CCDC148: variants seen among roughly 807,000 people sequenced by gnomAD.
CCDC148 encodes coiled-coil domain containing 148, also known as coiled-coil domain-containing protein 148.
Under a neutral mutation model 85.7 loss-of-function variants are expected in CCDC148, and 89 were observed. The ratio of observed to expected loss-of-function variants is 1.04; its 90% CI spans 0.87 to 1.24. CCDC148 has a LOEUF of 1.24. Among genes scored for constraint, CCDC148 ranks in the 50% most tolerant of loss-of-function variants. The probability of loss-of-function intolerance (pLI) is 0.00; values close to 1 mark genes in which losing one functional copy is unlikely to be tolerated. For synonymous variants in CCDC148, 230 were observed against 213.9 expected (o/e 1.08, Z -0.66); for missense variants, 692 against 671.7 (o/e 1.03, Z -0.33).
At chr2:158,296,721 G>C (rs1265958125) in intron 9 of CCDC148, among the ~76,000 whole-genome samples, 1 of 152,144 alleles carries the variant, frequency 6.6e-6, no homozygotes, top group East Asian at 1.9e-4. Context: ...TTGTAAAATA[G>C]ACCCCAATGC....
At chr2:158,208,252 G>C (rs1178705758) in intron 11 of CCDC148, among the ~76,000 whole-genome samples, 1 of 152,204 alleles carries the variant, frequency 6.6e-6, no homozygotes, top group East Asian at 1.9e-4. Context: ...ACAGTCTTAG[G>C]TGGAAGCAAA....
intron 10 of CCDC148, among the ~76,000 whole-genome samples, chr2:158,245,822 T>C (rs947446078): frequency 6.6e-6 from 1 of 152,184 alleles, no homozygotes. Flanking sequence ...GTGTTATCTT[T>C]TGATTTTATC....
chr2:158,286,784 T>C (rs180777918), intron 9 of CCDC148, among the ~76,000 whole-genome samples: 6 of 152,182 alleles, frequency 3.9e-5, no homozygotes, highest in East Asian at 1.9e-4. Context: ...ATCCTTATGA[T>C]AAAAAGTAAT....
intron 2 of CCDC148, among the ~76,000 whole-genome samples, chr2:158,351,255 C>G (rs1167246470): frequency 6.6e-6 from 1 of 152,224 alleles, no homozygotes; most frequent in Non-Finnish European, 1.5e-5. Flanking sequence ...ATAGGAACAG[C>G]TCCGGTCTAC....
At chr2:158,187,644 T>C (rs1685218182) in intron 11 of CCDC148, among the ~76,000 whole-genome samples, 1 of 152,056 alleles carries the variant, frequency 6.6e-6, no homozygotes. Flanking sequence ...TGCCTGGTAC[T>C]GATGATACCT....
chr2:158,183,090 G>A (rs1684981033), intron 11 of CCDC148, among the ~76,000 whole-genome samples: 1 of 152,100 alleles, frequency 6.6e-6, no homozygotes, highest in East Asian at 1.9e-4. Flanking sequence ...TGCTCCCTGA[G>A]TCTACAAAGG....
chr2:158,284,772 G>A (rs1217601860), intron 9 of CCDC148, among the ~76,000 whole-genome samples: 4 of 152,054 alleles, frequency 2.6e-5, no homozygotes, highest in Admixed American at 2.6e-4. Flanking sequence ...CAAAGTGCAA[G>A]GTACATGAAG....
chr2:158,308,310 C>T (rs1395253722), intron 9 of CCDC148, among the ~76,000 whole-genome samples: 1 of 152,162 alleles, frequency 6.6e-6, no homozygotes, highest in African/African-American at 2.4e-5. Context: ...ACTAGGAATA[C>T]AATAACTTGT....
At position 158,224,152 on chromosome 2, in the gene CCDC148, A is replaced by T. The variant is rs535428267; in HGVS notation, c.1252-3439T>A. Reference sequence around the variant, plus strand: ...ACCTGATGGAGCTGAAAACCAAGGCACGAGAACTACGTGATGAATGCACAA... The same window carrying T: ...ACCTGATGGAGCTGAAAACCAAGGCTCGAGAACTACGTGATGAATGCACAA... On this transcript the variant is annotated intron_variant, in intron 10 of 13. Coordinates refer to ENST00000283233, the MANE Select transcript of CCDC148 (RefSeq NM_138803.4). Among the ~76,000 whole-genome samples the T allele has an allele frequency of 1.5e-3, 230 of 152,358 alleles. 2 individuals carry two copies. Among genetic ancestry groups the T allele is most frequent in the African/African-American group, 5.3e-3 (219 of 41,592 alleles).
At chr2:158,371,168 A>G (rs2105279676) in intron 1 of CCDC148, among the ~76,000 whole-genome samples, 1 of 152,158 alleles carries the variant, frequency 6.6e-6, no homozygotes, top group East Asian at 1.9e-4. Context: ...CATGACATCA[A>G]GAATCCTTCA....
intron 2 of CCDC148, among the ~76,000 whole-genome samples, chr2:158,349,367 A>T (rs1190567934): frequency 6.6e-6 from 1 of 152,032 alleles, no homozygotes; most frequent in Non-Finnish European, 1.5e-5. Context: ...TAGGCTGATA[A>T]TACAAATATT....
intron 1 of CCDC148, among the ~76,000 whole-genome samples, chr2:158,402,897 A>T (rs1361176095): frequency 3.3e-5 from 5 of 152,122 alleles, no homozygotes; most frequent in East Asian, 1.9e-4. Flanking sequence ...GTTTTAAGAG[A>T]TTTTCCAGAG....
At chr2:158,343,612 C>A (rs1213971240) in intron 3 of CCDC148, among the ~76,000 whole-genome samples, 27 of 152,148 alleles carry the variant, frequency 1.8e-4, no homozygotes, top group Admixed American at 1.8e-3. Flanking sequence ...TAAATGTTGT[C>A]TTTTATGGTA....
intron 11 of CCDC148, among the ~76,000 whole-genome samples, chr2:158,188,139 C>T (rs1025848640): frequency 3.3e-5 from 5 of 151,898 alleles, no homozygotes; most frequent in Admixed American, 6.6e-5. Context: ...ATTTGGGGTC[C>T]ACTCCAATCC....
At chr2:158,294,468 G>A (rs1691073734) in intron 9 of CCDC148, among the ~76,000 whole-genome samples, 1 of 152,108 alleles carries the variant, frequency 6.6e-6, no homozygotes, top group Admixed American at 6.6e-5. Flanking sequence ...TGGGTCATGT[G>A]GTAAGTGTGT....
At chr2:158,264,061 C>A (rs1156756065) in intron 9 of CCDC148, among the ~76,000 whole-genome samples, 2 of 151,486 alleles carry the variant, frequency 1.3e-5, no homozygotes, top group African/African-American at 2.4e-5. Flanking sequence ...AGATCAGTAA[C>A]CACTGTAACT....
chr2:158,266,899 T>C (rs1465878372), intron 9 of CCDC148, among the ~76,000 whole-genome samples: 1 of 128,370 alleles, frequency 7.8e-6, no homozygotes, highest in Non-Finnish European at 1.8e-5. Flanking sequence ...TATTTACATA[T>C]ATATATACAC....
intron 1 of CCDC148, among the ~76,000 whole-genome samples, chr2:158,448,259 T>C (rs1688243341): frequency 6.6e-6 from 1 of 152,232 alleles, no homozygotes; most frequent in African/African-American, 2.4e-5. Context: ...CATCCTATTA[T>C]TATAGCTTTA....
In CCDC148 at chr2:158,343,724, C is replaced by T. The variant is rs1559084954; in HGVS notation, c.251+1491G>A. Among the ~76,000 whole-genome samples, 5 of 152,154 alleles carry T rather than the reference C, an allele frequency of 3.3e-5. No homozygotes were observed. The South Asian group carries it at 1.0e-3, about 32-fold the overall frequency. On this transcript the variant is annotated intron_variant, in intron 3 of 13. Coordinates refer to ENST00000283233, the MANE Select transcript of CCDC148 (RefSeq NM_138803.4). Reference sequence around the variant, plus strand: ...TCTAATTTGTTGGTGGCCCTAAATTCTCCACAAGGTAGTCATTTCTCTAAC... The same window carrying T: ...TCTAATTTGTTGGTGGCCCTAAATTTTCCACAAGGTAGTCATTTCTCTAAC...
Sources: gnomAD v4.1 joint callset for allele counts (sites outside exome capture counted in the v4.1 genomes callset) on GRCh38, gnomAD v4.1.1 for gene constraint, MANE v1.5 for transcripts, NCBI Gene and HGNC (gene_info 2026-07-23, HGNC 2026-07-21) for gene names.